PDE6A: variants seen among roughly 807,000 people sequenced by gnomAD.
PDE6A encodes phosphodiesterase 6A.
In PDE6A, 84 loss-of-function variants were observed where a neutral mutation model predicts 106.3. The observed-to-expected ratio is 0.79, with a 90% confidence interval of 0.66 to 0.95. The LOEUF (loss-of-function observed/expected upper bound fraction) is 0.95. Ranked by LOEUF, PDE6A falls within the 40% of genes least tolerant of loss-of-function variation. The pLI is 0.00. For missense variants in PDE6A, 1,052 were observed against 1,084.9 expected, an observed-to-expected ratio of 0.97 and a Z score of 0.43; for synonymous variants, 394 against 386.6, an observed-to-expected ratio of 1.02 and a Z score of -0.23.
At chr5:149,886,196 T>C (rs1581167988) in intron 14 of PDE6A, 69 bp downstream of exon 14, 1 of 1,182,714 alleles carries the variant, frequency 8.5e-7, no homozygotes, top group South Asian at 1.2e-5. Context: ...CCAGTGAGTC[T>C]GCCTGGGAGC....
At chr5:149,935,928 T>G (rs2113663139) in intron 1 of PDE6A, among the ~76,000 whole-genome samples, 1 of 152,070 alleles carries the variant, frequency 6.6e-6, no homozygotes, top group East Asian at 1.9e-4. Flanking sequence ...AAGGTGGGAG[T>G]ATTGCTTGCG....
intron 5 of PDE6A, among the ~76,000 whole-genome samples, chr5:149,916,549 C>G (rs1403756445): frequency 6.6e-6 from 1 of 152,172 alleles, no homozygotes; most frequent in African/African-American, 2.4e-5. Flanking sequence ...ATCTCTCCCG[C>G]CTCCTTGCAT....
chr5:149,932,548 G>A, intron 3 of PDE6A: 2 of 1,446,126 alleles, frequency 1.4e-6, no homozygotes, highest in South Asian at 2.3e-5. Flanking sequence ...ACTCCTTTTT[G>A]GAATCCCTGT....
At chr5:149,919,802 AT>A (rs975328108) in intron 5 of PDE6A, among the ~76,000 whole-genome samples, 1 of 151,604 alleles carries the variant, frequency 6.6e-6, no homozygotes, top group South Asian at 2.1e-4. Flanking sequence ...AAAGACTGCT[AT>A]TTTTTTTTCC....
chr5:149,899,520 T>C lies in PDE6A; in HGVS notation c.1118A>G (p.Glu373Gly), dbSNP rs1752889257. 6.2e-7 allele frequency: 1 copy of C among 1,614,166 alleles called. No homozygotes were observed. Among genetic ancestry groups the C allele is most frequent in the Admixed American group, 1.7e-5 (1 of 60,020 alleles). ...PAEDFFAFQK[E>G]PLDESGWMIK... ...CATCCATCCAGACTCATCCAGAGGT[T>C]CTTTCTACAAGAGAAGGGCTAGATT... The change falls in exon 9 of 22, where the codon GAA becomes GGA. Residue 373 changes from glutamate (E) to glycine (G), a missense_variant. Glu to Gly is a moderately conservative substitution (Grantham distance 98, BLOSUM62 -2). Coordinates refer to ENST00000255266, the MANE Select transcript of PDE6A (RefSeq NM_000440.3).
intron 5 of PDE6A, among the ~76,000 whole-genome samples, chr5:149,920,946 G>GA (rs750186900): frequency 9.6e-6 from 1 of 104,364 alleles, no homozygotes; most frequent in African/African-American, 6.1e-5. Context: ...GAGAGAAAAA[G>GA]AAAGAAAGAA....
chr5:149,863,588 T>G lies in PDE6A; in HGVS notation c.2359-322A>C, dbSNP rs1760220363. On this transcript the variant is annotated intron_variant, in intron 20 of 21. Transcript: ENST00000255266. This position sits in a 1 kb window ranked among gnomAD's most constrained non-coding sequence, Gnocchi z 4.7. ...TCCAAATCTCTTAGTTCCTGGAGTGTGTCCTCCATTCTGTGAGCCTCACAC... is the reference window on the plus strand; with the variant it reads ...TCCAAATCTCTTAGTTCCTGGAGTGGGTCCTCCATTCTGTGAGCCTCACAC... Among the ~76,000 whole-genome samples, 1 of 152,148 alleles carries G rather than the reference T, an allele frequency of 6.6e-6. No individual in the cohort carries two copies. Among genetic ancestry groups the G allele is most frequent in the Non-Finnish European group, 1.5e-5 (1 of 68,020 alleles).
intron 5 of PDE6A, among the ~76,000 whole-genome samples, chr5:149,920,969 A>AGAAAGAAAGAAAGAAG (rs1753695242): frequency 7.6e-6 from 1 of 131,246 alleles, no homozygotes; most frequent in Non-Finnish European, 1.5e-5. Flanking sequence ...AAAGAAAGAA[A>AGAAAGAAAGAAAGAAG]GAAAGAAAGA....
At chr5:149,918,791 CT>C (rs888414918) in intron 5 of PDE6A, among the ~76,000 whole-genome samples, 250 of 146,884 alleles carry the variant, frequency 1.7e-3, no homozygotes, top group African/African-American at 5.7e-3. Flanking sequence ...TTCTTTTTTT[CT>C]TTTTTTTTTA....
At chr5:149,922,900 A>G (rs1753761750) in intron 4 of PDE6A, among the ~76,000 whole-genome samples, 1 of 152,184 alleles carries the variant, frequency 6.6e-6, no homozygotes, top group South Asian at 2.1e-4. Context: ...TTGAGCTCCT[A>G]CAAAAGAAAC....
intron 3 of PDE6A, among the ~76,000 whole-genome samples, chr5:149,931,406 T>A (rs1754032847): frequency 6.6e-6 from 1 of 152,198 alleles, no homozygotes; most frequent in South Asian, 2.1e-4. Flanking sequence ...CATTTGTACC[T>A]TATTCTGTAG....
intron 17 of PDE6A, among the ~76,000 whole-genome samples, chr5:149,869,732 G>C (rs996868890): frequency 4.6e-5 from 7 of 152,172 alleles, no homozygotes; most frequent in African/African-American, 9.7e-5. Context: ...AGGAAGAAAA[G>C]AGCAGGATGG....
At position 149,944,424 on chromosome 5, in the gene PDE6A, T is replaced by A; in HGVS notation, c.250A>T (p.Lys84Ter). Residue 84 changes from lysine (K) to a stop codon, truncating the protein, a stop_gained, in exon 1 of 22, where the codon AAG becomes TAG. Transcript: ENST00000255266. LOFTEE classifies it high-confidence loss of function. ...TCTGCCTGCAGGAGGAAGCACAGCTTCTTCATGACATTGAAGATGCATTTC... is the reference window on the plus strand; with the variant it reads ...TCTGCCTGCAGGAGGAAGCACAGCTACTTCATGACATTGAAGATGCATTTC... ...TEKCIFNVMKKLCFLLQADRM... is the reference protein window; with the variant it reads ...TEKCIFNVMK 6.2e-7 allele frequency: 1 copy of A among 1,614,132 alleles called. No homozygotes were observed. The highest frequency in any genetic ancestry group is 8.5e-7 in the Non-Finnish European group (1 of 1,180,022).
At chr5:149,877,519 C>T (rs573604448) in intron 17 of PDE6A, among the ~76,000 whole-genome samples, 13 of 152,298 alleles carry the variant, frequency 8.5e-5, no homozygotes, top group African/African-American at 2.9e-4. Context: ...AAGCAATTCT[C>T]CTGCCTCAGC....
Position 149,866,233 on chromosome 5 carries a change from T to G in PDE6A, c.2295A>C (p.Lys765Asn). The G allele has an allele frequency of 6.2e-7, 1 of 1,614,098 alleles. No individual in the cohort carries two copies. The stretch of plus-strand genomic sequence containing the variant: ...CTTGAAGCTTAGGGAGTTCATCTGC[T>G]TTGTTTCTGTCCATCATGGGCTGTC... ...QNPIPMMDRN[K>N]ADELPKLQVG... Residue 765 changes from lysine (K) to asparagine (N), a missense_variant, in exon 20 of 22, where the codon AAA becomes AAC. By Grantham distance (94) the Lys-to-Asn change is moderately conservative (BLOSUM62 0). Transcript: ENST00000255266.
intron 1 of PDE6A, among the ~76,000 whole-genome samples, chr5:149,941,663 A>G (rs1032088409): frequency 7.9e-5 from 12 of 152,226 alleles, no homozygotes; most frequent in Admixed American, 2.0e-4. Context: ...ATGAAGAAAT[A>G]TCAGACAAGC....
intron 17 of PDE6A, among the ~76,000 whole-genome samples, chr5:149,870,771 C>CA (rs3078093): frequency 0.011 from 693 of 64,064 alleles, 12 homozygotes; most frequent in East Asian, 0.014. Context: ...GAACACAGGG[C>CA]AAAAAAAAAA....
chr5:149,863,410 G>T lies in PDE6A; in HGVS notation c.2359-144C>A. On this transcript the variant is annotated intron_variant, in intron 20 of 21. Transcript: ENST00000255266. This position sits in a 1 kb window ranked among gnomAD's most constrained non-coding sequence, Gnocchi z 4.7. ...CCCGCCACCGTGCTGATACTGCAGG[G>T]CCTCCGGTCTACACCAGCCCATGCC... The T allele has an allele frequency of 3.8e-6, 3 of 798,974 alleles. No individual in the cohort carries two copies. The highest frequency in any genetic ancestry group is 6.3e-6 in the Non-Finnish European group (3 of 475,290). 49.5% of individuals were successfully genotyped at this position (798,974 alleles called of 1,614,324 possible).
intron 5 of PDE6A, among the ~76,000 whole-genome samples, chr5:149,919,811 T>C (rs1753651614): frequency 2.0e-5 from 3 of 152,206 alleles, no homozygotes; most frequent in Admixed American, 1.3e-4. Context: ...TATTTTTTTT[T>C]CCATGAAGGC....
Sources: allele counts gnomAD v4.1 joint callset (sites outside exome capture counted in the v4.1 genomes callset), GRCh38; gene constraint gnomAD v4.1.1; non-coding constraint Gnocchi (gnomAD v3.1); transcripts MANE v1.5; gene names NCBI Gene and HGNC (gene_info 2026-07-23, HGNC 2026-07-21).